The following SLC25A27 variants were observed in gnomAD, a reference collection of about 807,000 sequenced individuals.
The protein encoded by SLC25A27 is solute carrier family 25 member 27, also known as mitochondrial uncoupling protein 4.
Under a neutral mutation model 49.1 loss-of-function variants are expected in SLC25A27, and 35 were observed. That is an observed-to-expected ratio of 0.71 (90% CI 0.54 to 0.95). SLC25A27 has a LOEUF of 0.95. Among genes scored for constraint, SLC25A27 ranks in the 40% least tolerant of loss-of-function variants. SLC25A27 has a pLI of 0.00. For missense variants in SLC25A27, 339 were observed against 397.1 expected (o/e 0.85, Z 1.24); for synonymous variants, 144 against 136.9 (o/e 1.05, Z -0.36).
Position 46,676,733 on chromosome 6 carries a change from T to C in SLC25A27, c.*279T>C. On this transcript the variant is annotated 3_prime_UTR_variant, in exon 9 of 9. Coordinates refer to ENST00000371347, the MANE Select transcript of SLC25A27 (RefSeq NM_004277.5). ...AATCGAAGCCTGACCACTTTCACCT[T>C]GGGCAAGAAGGTTTGGCCTTTGAGT... 1 of 1,526,330 alleles carries C rather than the reference T, an allele frequency of 6.6e-7. No homozygotes were observed. Among genetic ancestry groups the C allele is most frequent in the East Asian group, 2.5e-5 (1 of 40,814 alleles). 94.5% of individuals were successfully genotyped at this position (1,526,330 alleles called of 1,614,324 possible).
In SLC25A27 at chr6:46,655,908, T is replaced by C. The variant is rs778191880; in HGVS notation, c.172T>C (p.Leu58=). Residue 58 remains leucine (L), a synonymous_variant, in exon 2 of 9, where the codon TTG becomes CTG. Transcript: ENST00000371347. ...GCAAGGAGAAGCAGCTCTTGCTCGG[T>C]TGGGAGACGGTGCAAGAGAATCTGC... The part of the protein sequence containing the change: ...QMQGEAALAR[L]GDGARESAPY... 35 of 1,613,622 alleles carry C rather than the reference T, an allele frequency of 2.2e-5. No individual in the cohort carries two copies. Among genetic ancestry groups the C allele is most frequent in the East Asian group, 6.7e-5 (3 of 44,848 alleles).
In SLC25A27 at chr6:46,653,274, T is replaced by G; in HGVS notation, c.82T>G (p.Cys28Gly). Residue 28 changes from cysteine (C) to glycine (G), a missense_variant, in exon 1 of 9, where the codon TGC (cysteine) becomes GGC (glycine). By Grantham distance (159) the Cys-to-Gly change is radical. Transcript: ENST00000371347. ...PRASKFLLSG[C>G]AATVAELATF... ...AGCGAGCAAATTCCTACTGTCCGGCTGCGCGGCTACCGTGGCCGAGCTAGG... is the reference window on the plus strand; with the variant it reads ...AGCGAGCAAATTCCTACTGTCCGGCGGCGCGGCTACCGTGGCCGAGCTAGG... The G allele has an allele frequency of 3.7e-6, 6 of 1,613,124 alleles. No homozygotes were observed. Among genetic ancestry groups the G allele is most frequent in the Non-Finnish European group, 5.1e-6 (6 of 1,179,620 alleles).
At chr6:46,673,892 T>C (rs923654260) in intron 8 of SLC25A27, among the ~76,000 whole-genome samples, 1 of 152,198 alleles carries the variant, frequency 6.6e-6, no homozygotes, top group African/African-American at 2.4e-5. Context: ...GTTCTAGCAA[T>C]GATCTAACCA....
chr6:46,660,918 AT>A (rs1435808524), intron 3 of SLC25A27, among the ~76,000 whole-genome samples: 1 of 152,242 alleles, frequency 6.6e-6, no homozygotes, highest in Non-Finnish European at 1.5e-5. Flanking sequence ...AGGAAATATT[AT>A]ACCAGAACTT....
chr6:46,671,774 C>A (rs1229768772), intron 8 of SLC25A27, among the ~76,000 whole-genome samples: 3 of 151,566 alleles, frequency 2.0e-5, no homozygotes, highest in Non-Finnish European at 4.4e-5. Context: ...AGCAATATAG[C>A]AAATAAAATA....
At position 46,653,204 on chromosome 6, in the gene SLC25A27, G is replaced by A. The variant is rs1273119701; in HGVS notation, c.12G>A (p.Pro4=). Residue 4 remains proline (P), a synonymous_variant, in exon 1 of 9, where the codon CCG becomes CCA. Transcript: ENST00000371347. ...TGCGCTACTGCTGAATGTCCGTCCC[G>A]GAGGAGGAGGAGAGGCTTTTGCCGC... MSV[P]EEEERLLPLT... 1.2e-6 allele frequency: 2 copies of A among 1,610,766 alleles called. No individual in the cohort carries two copies. The highest frequency in any genetic ancestry group is 1.7e-6 in the Non-Finnish European group (2 of 1,177,456).
At chr6:46,664,954 G>T in intron 5 of SLC25A27, 68 bp downstream of exon 5, 1 of 682,392 alleles carries the variant, frequency 1.5e-6, no homozygotes, top group South Asian at 2.6e-5. Flanking sequence ...CTTATATTAG[G>T]GAAATTAAAA....
chr6:46,661,122 T>C (rs989811175), intron 3 of SLC25A27, among the ~76,000 whole-genome samples: 2 of 152,060 alleles, frequency 1.3e-5, no homozygotes, highest in Non-Finnish European at 2.9e-5. Context: ...ATTAGAATTA[T>C]GTAAAAAATA....
intron 8 of SLC25A27, among the ~76,000 whole-genome samples, chr6:46,671,701 T>C (rs1342626726): frequency 6.6e-6 from 1 of 152,068 alleles, no homozygotes; most frequent in Non-Finnish European, 1.5e-5. Context: ...GTCATTTTTA[T>C]TTGGTTTAGA....
intron 8 of SLC25A27, among the ~76,000 whole-genome samples, chr6:46,675,757 CTTTTA>C (rs926672240): frequency 6.6e-6 from 1 of 152,114 alleles, no homozygotes; most frequent in African/African-American, 2.4e-5. Context: ...AACCCTTATT[CTTTTA>C]TAATTCCTTT....
intron 3 of SLC25A27, among the ~76,000 whole-genome samples, chr6:46,659,573 G>A (rs1582499857): frequency 6.6e-6 from 1 of 152,116 alleles, no homozygotes; most frequent in Admixed American, 6.6e-5. Context: ...GAAAACACAC[G>A]CTGGGCGGGG....
At chr6:46,671,005 C>G (rs1367072159) in intron 7 of SLC25A27, 121 bp from the exon 8 acceptor site, 2 of 639,418 alleles carry the variant, frequency 3.1e-6, no homozygotes, top group East Asian at 7.0e-5. Context: ...GCTGGGATTA[C>G]AGGCGTAAGC....
At position 46,671,205 on chromosome 6, in the gene SLC25A27, T is replaced by C. The variant is rs1399242074; in HGVS notation, c.877T>C (p.Phe293Leu). 1 of 1,581,746 alleles carries C rather than the reference T, an allele frequency of 6.3e-7. No homozygotes were observed. The highest frequency in any genetic ancestry group is 1.8e-5 in the Admixed American group (1 of 54,684). The part of the protein sequence containing the change: ...GEGFMSLYKG[F>L]LPSWLRMTPW... ...AGGATTCATGAGTCTATATAAAGGC[T>C]TTTTACCATCTTGGCTGAGAATGGT... The change falls in exon 8 of 9, where the codon TTT (phenylalanine) becomes CTT (leucine). Residue 293 changes from phenylalanine (F) to leucine (L), a missense_variant. Coordinates refer to ENST00000371347, the MANE Select transcript of SLC25A27 (RefSeq NM_004277.5).
chr6:46,661,344 C>T (rs1197804323), intron 3 of SLC25A27, among the ~76,000 whole-genome samples: 1 of 152,060 alleles, frequency 6.6e-6, no homozygotes, highest in African/African-American at 2.4e-5. Flanking sequence ...TTGACAGGCT[C>T]TAGCAAATGT....
chr6:46,671,074 T>C (rs1258012696), intron 7 of SLC25A27, 52 bp from the exon 8 acceptor site: 42 of 1,189,390 alleles, frequency 3.5e-5, no homozygotes, highest in Non-Finnish European at 4.5e-5. Context: ...TTTATGTACA[T>C]ATATATTTTT....
At position 46,668,754 on chromosome 6, in the gene SLC25A27, C is replaced by T. The variant is rs1763408073; in HGVS notation, c.665C>T (p.Thr222Ile). 6.2e-7 allele frequency: 1 copy of T among 1,609,790 alleles called. No homozygotes were observed. ...GTGAAACACTACTTGGTATTGAATA[C>T]ACCACTTGAGGACAATATCATGACT... ...DTVKHYLVLN[T>I]PLEDNIMTHG... The change falls in exon 6 of 9, where the codon ACA becomes ATA. Residue 222 changes from threonine (T) to isoleucine (I), a missense_variant. Coordinates refer to ENST00000371347, the MANE Select transcript of SLC25A27 (RefSeq NM_004277.5).
chr6:46,667,402 C>T (rs1306271665), intron 5 of SLC25A27, among the ~76,000 whole-genome samples: 1 of 152,142 alleles, frequency 6.6e-6, no homozygotes, highest in Non-Finnish European at 1.5e-5. Flanking sequence ...TATTAAGTTC[C>T]AGTAAGAACT....
intron 8 of SLC25A27, among the ~76,000 whole-genome samples, chr6:46,671,781 A>T (rs1333840324): frequency 6.6e-6 from 1 of 152,018 alleles, no homozygotes; most frequent in African/African-American, 2.4e-5. Flanking sequence ...TAGCAAATAA[A>T]ATATAGAATT....
At chr6:46,671,872 G>GT (rs915960986) in intron 8 of SLC25A27, among the ~76,000 whole-genome samples, 1 of 151,794 alleles carries the variant, frequency 6.6e-6, no homozygotes, top group Admixed American at 6.6e-5. Context: ...GACGTTTTTT[G>GT]TAAGTTAAAA....
Sources: allele counts gnomAD v4.1 joint callset (sites outside exome capture counted in the v4.1 genomes callset), GRCh38; gene constraint gnomAD v4.1.1; transcripts MANE v1.5; gene names NCBI Gene and HGNC (gene_info 2026-07-23, HGNC 2026-07-21).